PIK3C2A: variants seen among roughly 807,000 people sequenced by gnomAD.
PIK3C2A encodes the protein phosphatidylinositol 4-phosphate 3-kinase C2 domain-containing subunit alpha.
In PIK3C2A, 97 loss-of-function variants were observed where a neutral mutation model predicts 204.5. That is an observed-to-expected ratio of 0.47 (90% CI 0.40 to 0.56). The LOEUF is 0.56. Among genes scored for constraint, PIK3C2A ranks in the 20% least tolerant of loss-of-function variants. PIK3C2A has a pLI of 0.00. For synonymous variants in PIK3C2A, 653 were observed against 664.4 expected (o/e 0.98, Z 0.26); for missense variants, 1,735 against 1,969.2 (o/e 0.88, Z 2.25).
At chr11:17,189,088 T>C (rs1851852895) in intron 1 of PIK3C2A, among the ~76,000 whole-genome samples, 1 of 146,854 alleles carries the variant, frequency 6.8e-6, no homozygotes. Flanking sequence ...TCTGAAATCA[T>C]GTCAGTGCTT....
At chr11:17,141,658 C>G (rs1466119732) in intron 8 of PIK3C2A, among the ~76,000 whole-genome samples, 1 of 152,132 alleles carries the variant, frequency 6.6e-6, no homozygotes, top group African/African-American at 2.4e-5. Context: ...CACTAATGAG[C>G]TTTTTATCTT....
At chr11:17,183,935 CT>C (rs1169852019) in intron 1 of PIK3C2A, among the ~76,000 whole-genome samples, 181 of 143,920 alleles carry the variant, frequency 1.3e-3, no homozygotes, top group African/African-American at 4.5e-3. Flanking sequence ...TGAGAACCCT[CT>C]TTAAAAAAAA....
rs1183658237 is a variant in PIK3C2A at position 17,087,215 on chromosome 11, AGTTT to A, written c.*2519_*2522del. On this transcript the variant is annotated 3_prime_UTR_variant, in exon 33 of 33. Coordinates refer to ENST00000691414, the MANE Select transcript of PIK3C2A (RefSeq NM_002645.4). ...ATACATAAAAATTAGTGTCTTGGCC[AGTTT>A]GTTAAACTTTTTTTAGATTTACTTT... 6.6e-6 allele frequency: 1 copy of A among 152,194 alleles called. No individual in the cohort carries two copies. The allele number at this position is 152,194 out of a possible 1,614,324, so 9.4% of individuals were successfully genotyped here. A position where few individuals can be genotyped will look rare whatever the true frequency, so the allele number is the denominator to read the frequency against.
At chr11:17,092,783 T>C (rs1848345699) in intron 28 of PIK3C2A, among the ~76,000 whole-genome samples, 1 of 152,234 alleles carries the variant, frequency 6.6e-6, no homozygotes, top group South Asian at 2.1e-4. Flanking sequence ...GTTGATTTCC[T>C]ATATTTATTA....
At position 17,145,751 on chromosome 11, in the gene PIK3C2A, T is replaced by C. The variant is rs1249237026; in HGVS notation, c.1641-20A>G. ...GGGTGTCTGAAAGAAACAACAGTTATTGTGGCTGAAGGATGCTACACACAA... is the reference window on the plus strand; with the variant it reads ...GGGTGTCTGAAAGAAACAACAGTTACTGTGGCTGAAGGATGCTACACACAA... On this transcript the variant is annotated intron_variant, in intron 7 of 32. Coordinates refer to ENST00000691414, the MANE Select transcript of PIK3C2A (RefSeq NM_002645.4). 3.1e-6 allele frequency: 5 copies of C among 1,587,912 alleles called. No individual in the cohort carries two copies. The highest frequency in any genetic ancestry group is 2.7e-5 in the African/African-American group (2 of 74,408).
At chr11:17,090,812 T>C (rs575505888) in intron 32 of PIK3C2A, among the ~76,000 whole-genome samples, 6 of 152,086 alleles carry the variant, frequency 3.9e-5, no homozygotes, top group Non-Finnish European at 7.4e-5. Flanking sequence ...TGATCATGAC[T>C]CACTGTGGCC....
At chr11:17,188,058 C>A (rs772659596) in intron 1 of PIK3C2A, among the ~76,000 whole-genome samples, 2 of 152,064 alleles carry the variant, frequency 1.3e-5, no homozygotes, top group Middle Eastern at 3.2e-3. Context: ...GGATTTTGGG[C>A]CAGGCATGGT....
At chr11:17,160,049 C>A (rs1850723880) in intron 2 of PIK3C2A, among the ~76,000 whole-genome samples, 1 of 152,160 alleles carries the variant, frequency 6.6e-6, no homozygotes, top group Middle Eastern at 3.2e-3. Context: ...AAAACACGCT[C>A]ATAGAAATAC....
chr11:17,190,494 C>G (rs926821044), intron 1 of PIK3C2A, among the ~76,000 whole-genome samples: 2 of 151,346 alleles, frequency 1.3e-5, no homozygotes, highest in Non-Finnish European at 2.9e-5. Context: ...TCACTTGAAC[C>G]CAGGAGGCAG....
In PIK3C2A at chr11:17,089,151, C is replaced by A. The variant is rs922642738; in HGVS notation, c.*587G>T. 6.6e-6 allele frequency: 1 copy of A among 152,186 alleles called. No individual in the cohort carries two copies. The highest frequency in any genetic ancestry group is 1.5e-5 in the Non-Finnish European group (1 of 68,028). 9.4% of individuals were successfully genotyped at this position (152,186 alleles called of 1,614,324 possible). A position where few individuals can be genotyped will look rare whatever the true frequency, so the allele number is the denominator to read the frequency against. ...TTATTTACAACATCAGTGATTGGCACTTATTCTGAAAAAGGCTTTAAAGAC... is the reference window on the plus strand; with the variant it reads ...TTATTTACAACATCAGTGATTGGCAATTATTCTGAAAAAGGCTTTAAAGAC... On this transcript the variant is annotated 3_prime_UTR_variant, in exon 33 of 33. Coordinates refer to ENST00000691414, the MANE Select transcript of PIK3C2A (RefSeq NM_002645.4).
chr11:17,129,025 T>C (rs562707796), intron 13 of PIK3C2A, among the ~76,000 whole-genome samples: 27 of 152,234 alleles, frequency 1.8e-4, no homozygotes, highest in Non-Finnish European at 3.5e-4. Flanking sequence ...TAGTACTTTA[T>C]ATAAACGACA....
intron 1 of PIK3C2A, among the ~76,000 whole-genome samples, chr11:17,203,689 G>A (rs1373429072): frequency 6.6e-6 from 1 of 152,012 alleles, no homozygotes; most frequent in African/African-American, 2.4e-5. Flanking sequence ...GGTGGTGGTT[G>A]TTTTTTGAGA....
chr11:17,105,038 G>A, intron 23 of PIK3C2A, 131 bp downstream of exon 23: 6 of 674,858 alleles, frequency 8.9e-6, no homozygotes, highest in Non-Finnish European at 1.5e-5. Flanking sequence ...CCTATACTTA[G>A]AAAAAGATGC....
At chr11:17,202,354 A>G (rs1852419209) in intron 1 of PIK3C2A, among the ~76,000 whole-genome samples, 1 of 151,816 alleles carries the variant, frequency 6.6e-6, no homozygotes, top group South Asian at 2.1e-4. Context: ...TAGGAGGCCA[A>G]GGTGGGCCCA....
chr11:17,129,835 A>C (rs1484175229), intron 12 of PIK3C2A, among the ~76,000 whole-genome samples: 1 of 152,008 alleles, frequency 6.6e-6, no homozygotes, highest in Non-Finnish European at 1.5e-5. Context: ...CAGGTGATCC[A>C]CTCAGCCTCC....
At chr11:17,093,654 G>C (rs1026694067) in intron 28 of PIK3C2A, among the ~76,000 whole-genome samples, 14 of 150,238 alleles carry the variant, frequency 9.3e-5, no homozygotes, top group Admixed American at 1.3e-4. Context: ...TTTTGGGGGG[G>C]GGGGACAGGG....
At chr11:17,180,481 A>G (rs992167375) in intron 1 of PIK3C2A, among the ~76,000 whole-genome samples, 1 of 151,972 alleles carries the variant, frequency 6.6e-6, no homozygotes, top group Non-Finnish European at 1.5e-5. Context: ...AATACATTAA[A>G]AAGAACTACT....
chr11:17,169,881 A>G, intron 1 of PIK3C2A, 75 bp from the exon 2 acceptor site: 2 of 619,052 alleles, frequency 3.2e-6, no homozygotes, highest in South Asian at 2.2e-5. Flanking sequence ...CCTACCCCAT[A>G]TGACTTTGGA....
chr11:17,159,686 T>A (rs914528398), intron 2 of PIK3C2A, among the ~76,000 whole-genome samples: 14 of 152,140 alleles, frequency 9.2e-5, no homozygotes, highest in Admixed American at 6.5e-4. Context: ...AAAGGAGACA[T>A]AAGGGCCTGT....
Sources: gnomAD v4.1 joint callset for allele counts (sites outside exome capture counted in the v4.1 genomes callset) on GRCh38, gnomAD v4.1.1 for gene constraint, MANE v1.5 for transcripts, NCBI Gene and HGNC (gene_info 2026-07-23, HGNC 2026-07-21) for gene names.